AGBL4: variants seen among roughly 807,000 people sequenced by gnomAD.
AGBL4 encodes the protein cytosolic carboxypeptidase 6.
In AGBL4, 58 loss-of-function variants were observed where a neutral mutation model predicts 66.4. That is an observed-to-expected ratio of 0.87 (90% CI 0.71 to 1.09). The LOEUF is 1.09. Ranked by LOEUF, AGBL4 falls within the 50% of genes least tolerant of loss-of-function variation. The pLI, the probability that AGBL4 is intolerant of heterozygous loss-of-function variation, is 0.00. For missense variants in AGBL4, 579 were observed against 631.0 expected (o/e 0.92, Z 0.88); for synonymous variants, 234 against 222.9 (o/e 1.05, Z -0.44).
At chr1:48,872,060 C>A (rs1648731544) in intron 5 of AGBL4, among the ~76,000 whole-genome samples, 1 of 151,922 alleles carries the variant, frequency 6.6e-6, no homozygotes, top group Admixed American at 6.6e-5. Context: ...TGTCATTTTC[C>A]AAATTTCCAG....
At chr1:48,886,795 C>T (rs186706415) in intron 5 of AGBL4, among the ~76,000 whole-genome samples, 54 of 152,278 alleles carry the variant, frequency 3.5e-4, no homozygotes, top group African/African-American at 1.3e-3. Context: ...TCGTGATCCG[C>T]CCGCCTCGGC....
At chr1:49,163,173 C>T (rs1646570426) in intron 4 of AGBL4, among the ~76,000 whole-genome samples, 1 of 152,188 alleles carries the variant, frequency 6.6e-6, no homozygotes, top group South Asian at 2.1e-4. Context: ...GCATTTAGAA[C>T]AAGTACTCTT....
chr1:49,590,640 G>GA (rs987879083), intron 3 of AGBL4, among the ~76,000 whole-genome samples: 1 of 151,850 alleles, frequency 6.6e-6, no homozygotes, highest in Non-Finnish European at 1.5e-5. Context: ...AATTAATATA[G>GA]AAAAAATATT....
chr1:48,877,507 T>A (rs922681024), intron 5 of AGBL4, among the ~76,000 whole-genome samples: 2 of 152,112 alleles, frequency 1.3e-5, no homozygotes, highest in Admixed American at 1.3e-4. Context: ...TCTTTACATA[T>A]TTGATTATTT....
chr1:49,752,030 T>C (rs1403761449), intron 2 of AGBL4, among the ~76,000 whole-genome samples: 1 of 152,044 alleles, frequency 6.6e-6, no homozygotes, highest in Non-Finnish European at 1.5e-5. Flanking sequence ...AACCAGCTCC[T>C]GGATTCACTG....
Position 48,958,150 on chromosome 1 carries a change from G to A in AGBL4, c.594+87434C>T, listed in dbSNP as rs530556371. Among the ~76,000 whole-genome samples the A allele has an allele frequency of 3.0e-4, 45 of 152,108 alleles. No homozygotes were observed. In the Middle Eastern group the frequency reaches 0.017, roughly 57 times the overall value. On this transcript the variant is annotated intron_variant, in intron 5 of 13. Coordinates refer to ENST00000371839, the MANE Select transcript of AGBL4 (RefSeq NM_032785.4). Reference sequence around the variant, plus strand: ...TGGGATTACAGGCGTGAGCCACTGCGCCTGGCCTCTGCAGGCTTGTTTTTT... The same window carrying A: ...TGGGATTACAGGCGTGAGCCACTGCACCTGGCCTCTGCAGGCTTGTTTTTT...
chr1:49,628,910 C>T (rs1433982376), intron 3 of AGBL4, among the ~76,000 whole-genome samples: 1 of 152,154 alleles, frequency 6.6e-6, no homozygotes, highest in Non-Finnish European at 1.5e-5. Context: ...TCTTCTCTAA[C>T]AATGATACCC....
intron 4 of AGBL4, among the ~76,000 whole-genome samples, chr1:49,239,168 A>T (rs1252478052): frequency 6.6e-6 from 1 of 152,204 alleles, no homozygotes; most frequent in Non-Finnish European, 1.5e-5. Flanking sequence ...GAAATAAAAA[A>T]AAACATAGAT....
intron 4 of AGBL4, among the ~76,000 whole-genome samples, chr1:49,184,526 C>A (rs747292930): frequency 4.6e-5 from 7 of 152,118 alleles, no homozygotes; most frequent in Non-Finnish European, 8.8e-5. Context: ...ACCACTCTTA[C>A]CCTAGTTCCC....
chr1:48,845,718 T>C (rs1390737788), intron 6 of AGBL4, among the ~76,000 whole-genome samples: 3 of 152,204 alleles, frequency 2.0e-5, no homozygotes, highest in Non-Finnish European at 4.4e-5. Flanking sequence ...CAGTAGAGTA[T>C]AGCAGTTAAG....
chr1:49,369,126 G>A, intron 3 of AGBL4, among the ~76,000 whole-genome samples: 1 of 152,088 alleles, frequency 6.6e-6, no homozygotes. Context: ...GAGATGATAA[G>A]TAATTTATTC....
intron 5 of AGBL4, among the ~76,000 whole-genome samples, chr1:49,044,113 C>T (rs146012570): frequency 2.6e-5 from 4 of 152,194 alleles, no homozygotes; most frequent in Admixed American, 1.3e-4. Flanking sequence ...TTATTAGCAA[C>T]CAAAGTATTG....
chr1:49,026,322 C>T (rs138442943), intron 5 of AGBL4, among the ~76,000 whole-genome samples: 144 of 152,040 alleles, frequency 9.5e-4, no homozygotes, highest in African/African-American at 3.3e-3. Context: ...TTCCCACTGT[C>T]GGGCCAAAAA....
intron 4 of AGBL4, among the ~76,000 whole-genome samples, chr1:49,142,365 G>T (rs2148098235): frequency 6.6e-6 from 1 of 152,216 alleles, no homozygotes; most frequent in Admixed American, 6.5e-5. Flanking sequence ...ATATAGAGAA[G>T]AATGGCAGGA....
intron 5 of AGBL4, among the ~76,000 whole-genome samples, chr1:48,916,009 G>T (rs1372699773): frequency 1.3e-5 from 2 of 152,200 alleles, no homozygotes; most frequent in African/African-American, 2.4e-5. Context: ...AGAGAGAGTG[G>T]AAGAAAGTAA....
chr1:49,351,442 A>G (rs1031285286), intron 3 of AGBL4, among the ~76,000 whole-genome samples: 4 of 151,972 alleles, frequency 2.6e-5, no homozygotes, highest in Admixed American at 2.6e-4. Context: ...CTGTATATGT[A>G]TAGTACACAT....
chr1:49,637,544 C>A (rs181243341), intron 3 of AGBL4, among the ~76,000 whole-genome samples: 1 of 152,238 alleles, frequency 6.6e-6, no homozygotes, highest in Admixed American at 6.5e-5. Context: ...CTCAGGCGAT[C>A]TGCATGCCTT....
chr1:49,010,105 G>A (rs931381625), intron 5 of AGBL4, among the ~76,000 whole-genome samples: 4 of 152,158 alleles, frequency 2.6e-5, no homozygotes, highest in Non-Finnish European at 4.4e-5. Flanking sequence ...CTTTGCAGAC[G>A]ACATGATTGT....
At chr1:49,520,782 A>G (rs947327735) in intron 3 of AGBL4, among the ~76,000 whole-genome samples, 1 of 151,298 alleles carries the variant, frequency 6.6e-6, no homozygotes, top group Admixed American at 6.6e-5. Flanking sequence ...TCAATGTAGA[A>G]GTTTATCACT....
Sources: gnomAD v4.1 joint callset for allele counts (sites outside exome capture counted in the v4.1 genomes callset) on GRCh38, gnomAD v4.1.1 for gene constraint, MANE v1.5 for transcripts, NCBI Gene and HGNC (gene_info 2026-07-23, HGNC 2026-07-21) for gene names.